Variants in SLC25A40 observed in about 807,000 individuals in gnomAD.
SLC25A40 encodes solute carrier family 25 member 40.
A neutral mutation model predicts 46.5 loss-of-function variants in SLC25A40; 41 were observed. The observed-to-expected ratio is 0.88, with a 90% CI of 0.69 to 1.14. The LOEUF (loss-of-function observed/expected upper bound fraction) is 1.14, where lower values mean the gene tolerates loss of function less well. Ranked by LOEUF, SLC25A40 falls within the 50% of genes most tolerant of loss-of-function variation. The pLI, the probability that SLC25A40 is intolerant of heterozygous loss-of-function variation, is 0.00. For synonymous variants in SLC25A40, 126 were observed against 127.5 expected, an observed-to-expected ratio of 0.99 and a Z score of 0.08; for missense variants, 386 against 393.6, an observed-to-expected ratio of 0.98 and a Z score of 0.16.
chr7:87,847,107 A>G lies in SLC25A40; in HGVS notation c.473T>C (p.Val158Ala), dbSNP rs1584325926. ...TCTAATCAATTCTAGTGGACTTATC[A>G]CAGTTACTGCACCAACTAATACAAA... ...GIVARFGAVTVISPLELIRTK... is the reference protein window; with the variant it reads ...GIVARFGAVTAISPLELIRTK... The change falls in exon 8 of 12, where the codon GTG (valine) becomes GCG (alanine). Residue 158 changes from valine (V) to alanine (A), a missense_variant. Physicochemically the swap from Val to Ala is moderately conservative, Grantham distance 64. Coordinates refer to ENST00000341119, the MANE Select transcript of SLC25A40 (RefSeq NM_018843.4). 1 of 1,609,584 alleles carries G rather than the reference A, an allele frequency of 6.2e-7. No homozygotes were observed. The highest frequency in any genetic ancestry group is 2.2e-5 in the East Asian group (1 of 44,808).
At chr7:87,858,823 G>A in intron 2 of SLC25A40, 72 bp from the exon 3 acceptor site, 2 of 801,026 alleles carry the variant, frequency 2.5e-6, no homozygotes, top group Admixed American at 4.1e-5. Flanking sequence ...CTTCAGCTAA[G>A]CTGGGTGAGC....
chr7:87,872,411 A>G (rs1178351115), intron 1 of SLC25A40, among the ~76,000 whole-genome samples: 1 of 152,218 alleles, frequency 6.6e-6, no homozygotes, highest in Non-Finnish European at 1.5e-5. Context: ...CTGAAAAACA[A>G]TAGGAAAAAA....
intron 9 of SLC25A40, among the ~76,000 whole-genome samples, chr7:87,842,718 GT>G (rs543935282): frequency 8.2e-4 from 125 of 152,076 alleles, no homozygotes; most frequent in African/African-American, 3.0e-3. Flanking sequence ...ACATTCAGGT[GT>G]TTTTTCTGTT....
chr7:87,846,881 G>T, intron 8 of SLC25A40, 68 bp downstream of exon 8: 1 of 1,312,384 alleles, frequency 7.6e-7, no homozygotes. Context: ...TAAAAATCTA[G>T]TGACAGTAAT....
chr7:87,868,890 G>GT (rs1562750903), intron 1 of SLC25A40, among the ~76,000 whole-genome samples: 1 of 152,204 alleles, frequency 6.6e-6, no homozygotes, highest in Non-Finnish European at 1.5e-5. Flanking sequence ...GGGTACAGCT[G>GT]TAAGTCCCAA....
intron 7 of SLC25A40, 105 bp from the exon 8 acceptor site, chr7:87,847,227 T>C: frequency 1.1e-6 from 1 of 909,566 alleles, no homozygotes; most frequent in African/African-American, 1.7e-5. Context: ...TTTTAAACTT[T>C]TAGTCTATAA....
intron 4 of SLC25A40, 128 bp downstream of exon 4, chr7:87,856,164 A>G (rs1838610392): frequency 1.3e-5 from 10 of 776,004 alleles, no homozygotes; most frequent in Non-Finnish European, 2.1e-5. Context: ...GGTGAAAAAA[A>G]AAGTTTTTCA....
intron 10 of SLC25A40, among the ~76,000 whole-genome samples, chr7:87,837,429 T>C (rs1221804921): frequency 2.6e-5 from 4 of 151,290 alleles, no homozygotes; most frequent in African/African-American, 9.7e-5. Flanking sequence ...TATTACTACC[T>C]TTCTGAATGG....
At chr7:87,847,241 C>G (rs1838435720) in intron 7 of SLC25A40, 119 bp from the exon 8 acceptor site, 2 of 741,556 alleles carry the variant, frequency 2.7e-6, no homozygotes, top group Admixed American at 7.2e-5. Flanking sequence ...TCTATAATGT[C>G]TGAAAACCTT....
At chr7:87,836,557 CTTA>C (rs1838260351) in intron 11 of SLC25A40, among the ~76,000 whole-genome samples, 170 bp downstream of exon 11, 1 of 151,272 alleles carries the variant, frequency 6.6e-6, no homozygotes, top group Non-Finnish European at 1.5e-5. Flanking sequence ...AAATTTTTAT[CTTA>C]TTGATAGTAA....
Position 87,849,958 on chromosome 7 carries a change from T to A in SLC25A40, c.265-10A>T. ...TTTTAAAAAATGCATCCTAAAGTTA[T>A]AATAGAAAAAAAGTAATCAAAATAT... On this transcript the variant is annotated splice_polypyrimidine_tract_variant and intron_variant, in intron 5 of 11. Transcript: ENST00000341119. 1 of 1,556,590 alleles carries A rather than the reference T, an allele frequency of 6.4e-7. No homozygotes were observed. Among genetic ancestry groups the A allele is most frequent in the African/African-American group, 1.4e-5 (1 of 72,858 alleles).
intron 1 of SLC25A40, among the ~76,000 whole-genome samples, chr7:87,862,970 G>A (rs1838731188): frequency 6.6e-6 from 1 of 152,006 alleles, no homozygotes; most frequent in Admixed American, 6.5e-5. Context: ...TGGGGACTGT[G>A]GAAGCTACAA....
chr7:87,857,185 A>G (rs1341592873), intron 3 of SLC25A40, among the ~76,000 whole-genome samples: 1 of 152,224 alleles, frequency 6.6e-6, no homozygotes, highest in African/African-American at 2.4e-5. Flanking sequence ...CCGTTAATGC[A>G]AAGTAAAGAT....
At chr7:87,858,204 T>C (rs139213027) in intron 3 of SLC25A40, among the ~76,000 whole-genome samples, 4,394 of 152,348 alleles carry the variant, frequency 0.029, 99 homozygotes, top group Non-Finnish European at 0.045. Context: ...CTGCTGAACA[T>C]AGACCCTTAT....
intron 2 of SLC25A40, among the ~76,000 whole-genome samples, chr7:87,859,437 G>A (rs1838664128): frequency 6.6e-6 from 1 of 151,804 alleles, no homozygotes; most frequent in Admixed American, 6.6e-5. Context: ...GCAAGACTCT[G>A]TCTCAAAAAA....
intron 5 of SLC25A40, among the ~76,000 whole-genome samples, chr7:87,850,977 T>C (rs184551920): frequency 3.9e-5 from 6 of 152,310 alleles, no homozygotes; most frequent in Admixed American, 2.0e-4. Flanking sequence ...ATGGTGTAGC[T>C]ACTTTAGAAA....
intron 1 of SLC25A40, among the ~76,000 whole-genome samples, chr7:87,873,201 T>TA: frequency 6.6e-6 from 1 of 151,508 alleles, no homozygotes; most frequent in East Asian, 1.9e-4. Flanking sequence ...CAGGAAAAAA[T>TA]AATTGCTGAG....
intron 3 of SLC25A40, 46 bp downstream of exon 3, chr7:87,858,585 T>A: frequency 9.6e-7 from 1 of 1,036,832 alleles, no homozygotes; most frequent in Non-Finnish European, 1.5e-6. Context: ...ATGGAAGCAC[T>A]GACTCATTCA....
rs1838613907 is a variant in SLC25A40, at chr7:87,856,367, A to AATTTCATATT, written c.98-17_98-16insAATATGAAAT. On this transcript the variant is annotated splice_polypyrimidine_tract_variant and intron_variant, in intron 3 of 11. Transcript: ENST00000341119. ...AGGGGTGTCACTATGAAGATATGTT[A>AATTTCATATT]AGTTTCAATTAGCGAGTGGTATCTG... 1.2e-6 allele frequency: 2 copies of AATTTCATATT among 1,605,760 alleles called. No homozygotes were observed. The highest frequency in any genetic ancestry group is 1.7e-6 in the Non-Finnish European group (2 of 1,172,604).
Sources: gnomAD v4.1 joint callset for allele counts (sites outside exome capture counted in the v4.1 genomes callset) on GRCh38, gnomAD v4.1.1 for gene constraint, MANE v1.5 for transcripts, NCBI Gene and HGNC (gene_info 2026-07-23, HGNC 2026-07-21) for gene names.